Variants in CCNQ observed in about 807,000 individuals in gnomAD.
CCNQ encodes cyclin-Q.
A neutral mutation model predicts 17.7 loss-of-function variants in CCNQ; 3 were observed. The ratio of observed to expected loss-of-function variants is 0.17; its 90% CI spans 0.08 to 0.44. CCNQ has a LOEUF of 0.44. Among genes scored for constraint, CCNQ ranks in the 20% least tolerant of loss-of-function variants. The pLI, the probability that CCNQ is intolerant of heterozygous loss-of-function variation, is 0.99. For synonymous variants in CCNQ, 73 were observed against 96.0 expected (o/e 0.76, Z 1.40); for missense variants, 146 against 222.6 (o/e 0.66, Z 2.19).
At chrX:153,594,280 G>A (rs1156511368) in intron 3 of CCNQ, among the ~76,000 whole-genome samples, 10 of 112,670 alleles carry the variant, frequency 8.9e-5, no homozygotes, top group African/African-American at 3.2e-4. Flanking sequence ...GCTTCAGCGG[G>A]CAGCACGGAC....
chrX:153,589,772 G>C (rs782337539), intron 4 of CCNQ, among the ~76,000 whole-genome samples: 213 of 112,310 alleles, frequency 1.9e-3, no homozygotes, highest in Middle Eastern at 9.3e-3. Flanking sequence ...ACCTCAGGTA[G>C]GAGATGGTGA....
intron 1 of CCNQ, chrX:153,597,818 C>G (rs1557027392): frequency 9.0e-6 from 1 of 111,142 alleles, no homozygotes; most frequent in African/African-American, 3.3e-5. Context: ...CAGGAGATGC[C>G]AGATAAGGTG....
intron 3 of CCNQ, among the ~76,000 whole-genome samples, chrX:153,593,668 A>G (rs190757509): frequency 3.5e-4 from 39 of 112,494 alleles, no homozygotes; most frequent in African/African-American, 1.2e-3. Flanking sequence ...TGCGGGTGGA[A>G]CCGTCTCTCA....
rs1163039772 is a variant in CCNQ, at chrX:153,593,911, A to C, written c.429+636T>G. ...AAAAAGAATGAAACTCCTAGCCCAGAGCCCCAAACCACAACTCCTCCATCT... is the reference window on the plus strand; with the variant it reads ...AAAAAGAATGAAACTCCTAGCCCAGCGCCCCAAACCACAACTCCTCCATCT... On this transcript the variant is annotated intron_variant, in intron 3 of 4. Coordinates refer to ENST00000576892, the MANE Select transcript of CCNQ (RefSeq NM_152274.5). 2.7e-5 allele frequency among the ~76,000 whole-genome samples: 3 copies of C among 112,348 alleles called. No individual in the cohort carries two copies. In the Admixed American group the frequency reaches 2.8e-4, roughly 11 times the overall value.
Position 153,599,108 on chromosome X carries a change from C to G in CCNQ, c.-35G>C. The G allele has an allele frequency of 1.2e-6, 1 of 812,918 alleles. No individual in the cohort carries two copies. The highest frequency in any genetic ancestry group is 1.5e-6 in the Non-Finnish European group (1 of 646,458). The allele number at this position is 812,918 out of a possible 1,213,427, so 67.0% of individuals were successfully genotyped here. On this transcript the variant is annotated 5_prime_UTR_variant, in exon 1 of 5. Transcript: ENST00000576892. ...CGGCACCGGCGGAAGGAGAGGCGGC[C>G]CCGGCGCGCAGAAGCCGGCAGAACT...
rs1012256196 is a variant in CCNQ at position 153,588,013 on chromosome X, G to A, written c.*352C>T. The A allele has an allele frequency of 1.1e-4, 39 of 365,400 alleles. No individual in the cohort carries two copies. Among genetic ancestry groups the A allele is most frequent in the African/African-American group, 3.1e-4 (12 of 39,135 alleles). 30.1% of individuals were successfully genotyped at this position (365,400 alleles called of 1,213,427 possible). A position where few individuals can be genotyped will look rare whatever the true frequency, so the allele number is the denominator to read the frequency against. On this transcript the variant is annotated 3_prime_UTR_variant, in exon 5 of 5. Coordinates refer to ENST00000576892, the MANE Select transcript of CCNQ (RefSeq NM_152274.5). ...TACAAATCTGGCTTTTAAGAAATCC[G>A]TAGGGATTCAGTCTCATCGATTTCA...
intron 4 of CCNQ, among the ~76,000 whole-genome samples, chrX:153,590,405 A>G (rs1180650551): frequency 9.0e-6 from 1 of 110,744 alleles, no homozygotes; most frequent in Non-Finnish European, 1.9e-5. Context: ...TCAGCAAAAG[A>G]AGCCAGTCAC....
intron 4 of CCNQ, 79 bp from the exon 5 acceptor site, chrX:153,588,533 A>T: frequency 1.3e-6 from 1 of 749,595 alleles, no homozygotes; most frequent in Non-Finnish European, 2.1e-6. Flanking sequence ...GCAGAGAATC[A>T]CATTTCATGG....
At chrX:153,595,362 C>T (rs1302849569) in intron 2 of CCNQ, among the ~76,000 whole-genome samples, 2 of 113,722 alleles carry the variant, frequency 1.8e-5, no homozygotes, top group African/African-American at 6.4e-5. Context: ...AAGCGATCCA[C>T]CCGCCTCGGC....
rs1273846093 is a variant in CCNQ, at chrX:153,594,627, G to A, written c.349C>T (p.Leu117Phe). ...TCACACTGCACGATGCTGTCCCGGA[G>A]TTCCCAGAAGCGGGAGTCCAATTCC... ...PLELDSRFWELRDSIVQCELL... is the reference protein window; with the variant it reads ...PLELDSRFWEFRDSIVQCELL... Residue 117 changes from leucine (L) to phenylalanine (F), a missense_variant, in exon 3 of 5, where the codon CTC becomes TTC. Physicochemically the swap from Leu to Phe is conservative, Grantham distance 22. Coordinates refer to ENST00000576892, the MANE Select transcript of CCNQ (RefSeq NM_152274.5). The A allele has an allele frequency of 9.9e-6, 12 of 1,210,071 alleles. No homozygotes were observed. Among genetic ancestry groups the A allele is most frequent in the Non-Finnish European group, 8.9e-6 (8 of 895,067 alleles).
intron 2 of CCNQ, 45 bp downstream of exon 2, chrX:153,595,959 C>T (rs368023355): frequency 7.5e-6 from 9 of 1,193,791 alleles, no homozygotes; most frequent in African/African-American, 7.0e-5. Flanking sequence ...CCCTGCCCGT[C>T]CCCCCCACCG....
intron 4 of CCNQ, among the ~76,000 whole-genome samples, chrX:153,591,949 C>T (rs1268855737): frequency 9.1e-6 from 1 of 110,044 alleles, no homozygotes; most frequent in Non-Finnish European, 1.9e-5. Flanking sequence ...GGCAGGGCTA[C>T]CTCTATGCAG....
At chrX:153,595,807 C>A (rs782604505) in intron 2 of CCNQ, among the ~76,000 whole-genome samples, 197 bp downstream of exon 2, 20 of 112,798 alleles carry the variant, frequency 1.8e-4, no homozygotes, top group African/African-American at 5.5e-4. Flanking sequence ...GTTTCTCTCA[C>A]AGACCCCACT....
intron 4 of CCNQ, among the ~76,000 whole-genome samples, 165 bp from the exon 5 acceptor site, chrX:153,588,619 G>A (rs1173429740): frequency 3.6e-5 from 4 of 112,593 alleles, no homozygotes; most frequent in Non-Finnish European, 5.6e-5. Context: ...ATTCCAGCCC[G>A]TTGAGGCCAA....
chrX:153,597,207 C>G, intron 1 of CCNQ, among the ~76,000 whole-genome samples: 1 of 112,062 alleles, frequency 8.9e-6, no homozygotes, highest in Admixed American at 9.4e-5. Flanking sequence ...GACAATCAAC[C>G]ATGAAATGAC....
At chrX:153,598,350 A>C (rs1413937698) in intron 1 of CCNQ, among the ~76,000 whole-genome samples, 2 of 110,626 alleles carry the variant, frequency 1.8e-5, no homozygotes, top group Admixed American at 1.9e-4. Context: ...CGGGAGACGG[A>C]GGTTGCAGTG....
intron 4 of CCNQ, among the ~76,000 whole-genome samples, chrX:153,589,320 C>T (rs1557025237): frequency 8.9e-6 from 1 of 112,976 alleles, no homozygotes; most frequent in Non-Finnish European, 1.9e-5. Context: ...TGACTCCGTG[C>T]TCGCTGTCCC....
chrX:153,593,830 G>A (rs2046260599), intron 3 of CCNQ, among the ~76,000 whole-genome samples: 1 of 112,203 alleles, frequency 8.9e-6, no homozygotes, highest in Non-Finnish European at 1.9e-5. Context: ...ACTGGGCTAA[G>A]GGTACATGTC....
Position 153,599,076 on chromosome X carries a change from G to C in CCNQ, c.-3C>G. On this transcript the variant is annotated 5_prime_UTR_variant, in exon 1 of 5. Transcript: ENST00000576892. ...CCGCCGCCCTCCGGGGCTTCCATGA[G>C]GCGCCGCGGCACCGGCGGAAGGAGA... The C allele has an allele frequency of 1.0e-6, 1 of 997,242 alleles. No individual in the cohort carries two copies. Among genetic ancestry groups the C allele is most frequent in the Non-Finnish European group, 1.3e-6 (1 of 776,856 alleles). The allele number at this position is 997,242 out of a possible 1,213,427, so 82.2% of individuals were successfully genotyped here.
Sources: gnomAD v4.1 joint callset for allele counts (sites outside exome capture counted in the v4.1 genomes callset) on GRCh38, gnomAD v4.1.1 for gene constraint, MANE v1.5 for transcripts, NCBI Gene and HGNC (gene_info 2026-07-23, HGNC 2026-07-21) for gene names.